Variants in PIK3C2B observed in about 807,000 individuals in gnomAD.
PIK3C2B encodes phosphatidylinositol 4-phosphate 3-kinase C2 domain-containing subunit beta.
PIK3C2B carries 83 observed loss-of-function variants against 184.3 expected under a neutral mutation model. The observed-to-expected ratio is 0.45, with a 90% confidence interval of 0.38 to 0.54. PIK3C2B has a LOEUF of 0.54. PIK3C2B is among the 20% of genes least tolerant of loss of function. The probability of loss-of-function intolerance (pLI) is 0.00; values close to 1 mark genes in which losing one functional copy is unlikely to be tolerated. For synonymous variants in PIK3C2B, 779 were observed against 837.6 expected, an observed-to-expected ratio of 0.93 and a Z score of 1.21; for missense variants, 1,736 against 2,113.5, an observed-to-expected ratio of 0.82 and a Z score of 3.50.
At chr1:204,457,329 A>C (rs1030334593) in intron 9 of PIK3C2B, among the ~76,000 whole-genome samples, 3 of 152,234 alleles carry the variant, frequency 2.0e-5, no homozygotes, top group African/African-American at 4.8e-5. Flanking sequence ...TGCAGATCAC[A>C]GTGCCTATGG....
chr1:204,472,683 G>A (rs1036318490), intron 1 of PIK3C2B, among the ~76,000 whole-genome samples: 2 of 152,072 alleles, frequency 1.3e-5, no homozygotes, highest in Admixed American at 1.3e-4. Context: ...AGGAGGCTGA[G>A]GCAGGAGAAT....
At position 204,434,479 on chromosome 1, in the gene PIK3C2B, G is replaced by A. The variant is rs1675236221; in HGVS notation, c.3646C>T (p.Arg1216Cys). ...TGHMFHIDFG[R>C]FLGHAQMFGN... ...AACATCTGGGCATGGCCCAGGAAGC[G>A]GCCAAAATCAATGTGGAACATGTGA... Residue 1216 changes from arginine (R) to cysteine (C), a missense_variant, in exon 24 of 33, where the codon CGC (arginine) becomes TGC (cysteine). Transcript: ENST00000684373. 4.3e-6 allele frequency: 7 copies of A among 1,614,144 alleles called. No individual in the cohort carries two copies. The highest frequency in any genetic ancestry group is 5.1e-6 in the Non-Finnish European group (6 of 1,179,986).
intron 16 of PIK3C2B, among the ~76,000 whole-genome samples, chr1:204,444,835 T>A (rs771293398): frequency 1.3e-5 from 2 of 152,190 alleles, no homozygotes; most frequent in Non-Finnish European, 2.9e-5. Flanking sequence ...ACCACGCAAA[T>A]AACAGAAAAT....
rs992800920 is a variant in PIK3C2B, at chr1:204,446,106, C to T, written c.2528G>A (p.Arg843Gln). The change falls in exon 16 of 33, where the codon CGA (arginine) becomes CAA (glutamine). Residue 843 changes from arginine (R) to glutamine (Q), a missense_variant. Physicochemically the swap from Arg to Gln is conservative, Grantham distance 43. This residue lies in a region of PIK3C2B where 609 missense variants were observed against 699.2 expected (regional missense o/e 0.87). Coordinates refer to ENST00000684373, the MANE Select transcript of PIK3C2B (RefSeq NM_001377334.1). The part of the protein sequence containing the change: ...DADKKRLWEK[R>Q]YYCHSEVSSL... Reference sequence around the variant, plus strand: ...GCTCACCTCCGAGTGGCAGTAATATCGCTTCTCCCACAGGCGCTTCTTGTC... The same window carrying T: ...GCTCACCTCCGAGTGGCAGTAATATTGCTTCTCCCACAGGCGCTTCTTGTC... 3 of 1,589,764 alleles carry T rather than the reference C, an allele frequency of 1.9e-6. No individual in the cohort carries two copies. The highest frequency in any genetic ancestry group is 1.3e-5 in the African/African-American group (1 of 74,134).
At chr1:204,491,388 CA>C (rs34371258) in intron 1 of PIK3C2B, among the ~76,000 whole-genome samples, 90 of 126,980 alleles carry the variant, frequency 7.1e-4, no homozygotes, top group African/African-American at 1.0e-3. Context: ...GACTCTGTCT[CA>C]AAAAAAAAAA....
intron 1 of PIK3C2B, among the ~76,000 whole-genome samples, chr1:204,486,379 A>C (rs1022923064): frequency 2.2e-5 from 3 of 136,668 alleles, no homozygotes; most frequent in African/African-American, 8.2e-5. Context: ...TGGGTGACAG[A>C]GTGAGACTCA....
intron 12 of PIK3C2B, among the ~76,000 whole-genome samples, chr1:204,454,248 C>T (rs1654622289): frequency 6.7e-6 from 1 of 149,132 alleles, no homozygotes; most frequent in Non-Finnish European, 1.5e-5. Context: ...TCTGGGAGGC[C>T]GAGGCGGGCA....
chr1:204,450,069 C>A, intron 12 of PIK3C2B, 52 bp from the exon 13 acceptor site: 5 of 1,454,530 alleles, frequency 3.4e-6, no homozygotes, highest in Non-Finnish European at 4.6e-6. Context: ...TGGCTTCAAG[C>A]AACAGGTGGC....
Position 204,460,553 on chromosome 1 carries a change from CCG to C in PIK3C2B, c.1417_1418del (p.Arg473AspfsTer4). ...EQKVVRSDLA[R>X]TVNDDQSPST... is the part of the protein sequence containing the mutation. ...CCTCCACCACCCTCACACGAACCGTCCGGGCCAGGTCACTGCGCACAACCTTC... is the reference window on the plus strand; with the variant it reads ...CCTCCACCACCCTCACACGAACCGTCGGCCAGGTCACTGCGCACAACCTTC... On this transcript the variant is annotated frameshift_variant, in exon 6 of 33. Transcript: ENST00000684373. LOFTEE classifies it high-confidence loss of function. 1 of 1,613,316 alleles carries C rather than the reference CCG, an allele frequency of 6.2e-7. No homozygotes were observed. Among genetic ancestry groups the C allele is most frequent in the Non-Finnish European group, 8.5e-7 (1 of 1,179,314 alleles).
chr1:204,432,435 T>C (rs781535326), intron 26 of PIK3C2B, 34 bp from the exon 27 acceptor site: 2 of 1,577,992 alleles, frequency 1.3e-6, no homozygotes, highest in Non-Finnish European at 1.7e-6. Context: ...GATATAACCA[T>C]GAACCCAAAT....
Position 204,440,213 on chromosome 1 carries a change from A to G in PIK3C2B, c.3358T>C (p.Phe1120Leu), listed in dbSNP as rs773222253. The G allele has an allele frequency of 1.9e-6, 3 of 1,612,678 alleles. No individual in the cohort carries two copies. Among genetic ancestry groups the G allele is most frequent in the Non-Finnish European group, 2.5e-6 (3 of 1,179,206 alleles). Residue 1120 changes from phenylalanine to leucine, a missense_variant, in exon 22 of 33, where the codon TTC (phenylalanine) becomes CTC (leucine). This residue lies in a region of PIK3C2B where 289 missense variants were observed against 380.4 expected (regional missense o/e 0.76). Transcript: ENST00000684373. ...TGACCTCTGCCCCGGCCGGTGGAGA[A>G]GCAGCGGAAGATGACCATGCGCATG... ...LDMRMVIFRC[F>L]STGRGRGMVE...
At chr1:204,439,676 C>A (rs1021099008) in intron 22 of PIK3C2B, among the ~76,000 whole-genome samples, 1 of 152,178 alleles carries the variant, frequency 6.6e-6, no homozygotes, top group Admixed American at 6.5e-5. Context: ...ATTCTGTCGC[C>A]TGGTCTGAAG....
At position 204,449,036 on chromosome 1, in the gene PIK3C2B, T is replaced by C. The variant is rs1226585334; in HGVS notation, c.2346+149A>G. 6.2e-6 allele frequency: 4 copies of C among 641,410 alleles called. No individual in the cohort carries two copies. The East Asian group carries it at 8.2e-5, about 13-fold the overall frequency. The allele number at this position is 641,410 out of a possible 1,614,324, so 39.7% of individuals were successfully genotyped here. A position where few individuals can be genotyped will look rare whatever the true frequency, so the allele number is the denominator to read the frequency against. On this transcript the variant is annotated intron_variant, in intron 14 of 32. Transcript: ENST00000684373. ...ACCTCACAATCCACATCTAACCATATTCCCTCAGTTGCTTCAGTCACATCA... is the reference window on the plus strand; with the variant it reads ...ACCTCACAATCCACATCTAACCATACTCCCTCAGTTGCTTCAGTCACATCA...
intron 3 of PIK3C2B, 146 bp from the exon 4 acceptor site, chr1:204,464,750 G>T (rs1350797082): frequency 5.9e-6 from 4 of 676,976 alleles, no homozygotes; most frequent in African/African-American, 5.4e-5. Flanking sequence ...CAGGATGGGG[G>T]CAGTGGGGTA....
intron 5 of PIK3C2B, 132 bp downstream of exon 5, chr1:204,463,880 G>A: frequency 1.1e-6 from 1 of 925,180 alleles, no homozygotes; most frequent in Non-Finnish European, 1.7e-6. Context: ...CCGAGAGTGT[G>A]CCCAGAAAGC....
At position 204,439,173 on chromosome 1, in the gene PIK3C2B, G is replaced by A; in HGVS notation, c.3380-102C>T. 4.2e-6 allele frequency: 5 copies of A among 1,201,614 alleles called. No individual in the cohort carries two copies. The South Asian group carries it at 4.3e-5, about 10-fold the overall frequency. The allele number at this position is 1,201,614 out of a possible 1,614,324, so 74.4% of individuals were successfully genotyped here. On this transcript the variant is annotated intron_variant, in intron 22 of 32. Coordinates refer to ENST00000684373, the MANE Select transcript of PIK3C2B (RefSeq NM_001377334.1). The stretch of plus-strand genomic sequence containing the variant: ...CTCATGCTTCCCTATAAATTAAGCT[G>A]TAAGGCATTTGGACTAAGTCTGATA...
intron 2 of PIK3C2B, among the ~76,000 whole-genome samples, chr1:204,468,111 G>C (rs1655968613): frequency 6.6e-6 from 1 of 152,206 alleles, no homozygotes. Context: ...TATTTTCATT[G>C]TGAGAAGAGA....
At chr1:204,427,142 A>C (rs896894181) in intron 31 of PIK3C2B, among the ~76,000 whole-genome samples, 2 of 152,240 alleles carry the variant, frequency 1.3e-5, no homozygotes, top group Non-Finnish European at 2.9e-5. Flanking sequence ...ATTTCAAAAA[A>C]AAAAAAAAGT....
Position 204,459,958 on chromosome 1 carries a change from G to T in PIK3C2B, c.1503-17C>A. The T allele has an allele frequency of 6.2e-7, 1 of 1,611,836 alleles. No individual in the cohort carries two copies. On this transcript the variant is annotated splice_polypyrimidine_tract_variant and intron_variant, in intron 7 of 32. Coordinates refer to ENST00000684373, the MANE Select transcript of PIK3C2B (RefSeq NM_001377334.1). ...AGGGCCTGCCTGGGAGTTGGGGGCA[G>T]GGAAAAACCACAGGAGAGGTCATGA...
Sources: gnomAD v4.1 joint callset for allele counts (sites outside exome capture counted in the v4.1 genomes callset) on GRCh38, gnomAD v4.1.1 for gene constraint, gnomAD v4.1.1 regional missense constraint, MANE v1.5 for transcripts, NCBI Gene and HGNC (gene_info 2026-07-23, HGNC 2026-07-21) for gene names.